Variants in AP4E1 observed in about 807,000 individuals in gnomAD.
AP4E1 encodes adaptor related protein complex 4 subunit epsilon 1, also known as AP-4 complex subunit epsilon-1.
In AP4E1, 56 loss-of-function variants were observed where a neutral mutation model predicts 128.2. The ratio of observed to expected loss-of-function variants is 0.44; its 90% confidence interval spans 0.35 to 0.55. The LOEUF is 0.55. Ranked by LOEUF, AP4E1 falls within the 20% of genes least tolerant of loss-of-function variation. The pLI is 0.00. For missense variants in AP4E1, 1,324 were observed against 1,307.7 expected (o/e 1.01, Z -0.19); for synonymous variants, 484 against 473.1 (o/e 1.02, Z -0.30).
intron 14 of AP4E1, among the ~76,000 whole-genome samples, chr15:50,963,688 G>T (rs1348117148): frequency 6.6e-6 from 1 of 152,116 alleles, no homozygotes; most frequent in Admixed American, 6.5e-5. Context: ...TATAGTATTT[G>T]TATATTTCAA....
chr15:50,983,969 A>C (rs2064679145), intron 15 of AP4E1, 53 bp from the exon 16 acceptor site: 1 of 1,581,020 alleles, frequency 6.3e-7, no homozygotes. Context: ...TAACTTTGAC[A>C]GTTTTTTGCT....
intron 15 of AP4E1, among the ~76,000 whole-genome samples, chr15:50,978,438 G>A (rs2064588068): frequency 6.6e-6 from 1 of 152,112 alleles, no homozygotes; most frequent in South Asian, 2.1e-4. Flanking sequence ...AGCTGAGAAT[G>A]GTTAGAGAAA....
At position 50,928,792 on chromosome 15, in the gene AP4E1, G is replaced by A. The variant is rs8036604; in HGVS notation, c.543-217G>A. Among the ~76,000 whole-genome samples the A allele has an allele frequency of 0.2, 29,532 of 149,076 alleles. 2,912 individuals carry two copies. The highest frequency in any genetic ancestry group is 0.24 in the South Asian group (1,141 of 4,740). On this transcript the variant is annotated intron_variant, in intron 5 of 20. Coordinates refer to ENST00000261842, the MANE Select transcript of AP4E1 (RefSeq NM_007347.5). ...CCCTAACTAGATAAATATATAACAC[G>A]GGCAGTTAAAGTTTTGAGACCTTAC...
intron 16 of AP4E1, among the ~76,000 whole-genome samples, chr15:50,989,482 CTTATCT>C (rs1043633359): frequency 6.6e-6 from 1 of 151,042 alleles, no homozygotes; most frequent in African/African-American, 2.4e-5. Flanking sequence ...AATTCTTTTT[CTTATCT>C]TTTTTTTTTT....
intron 5 of AP4E1, among the ~76,000 whole-genome samples, chr15:50,926,207 G>C (rs56056949): frequency 1.3e-5 from 2 of 151,692 alleles, no homozygotes; most frequent in African/African-American, 4.8e-5. Context: ...GAGTGATCTC[G>C]GCTCACTGCA....
At chr15:50,938,794 G>A (rs2063944537) in intron 8 of AP4E1, among the ~76,000 whole-genome samples, 1 of 152,134 alleles carries the variant, frequency 6.6e-6, no homozygotes, top group Non-Finnish European at 1.5e-5. Context: ...GGTAGAATCA[G>A]TTGATACTCC....
At chr15:50,926,207 G>A (rs56056949) in intron 5 of AP4E1, among the ~76,000 whole-genome samples, 2,808 of 151,798 alleles carry the variant, frequency 0.018, 106 homozygotes, top group African/African-American at 0.065. Context: ...GAGTGATCTC[G>A]GCTCACTGCA....
chr15:50,950,961 T>C (rs1383777964), intron 13 of AP4E1, among the ~76,000 whole-genome samples: 2 of 152,372 alleles, frequency 1.3e-5, no homozygotes, highest in Middle Eastern at 3.4e-3. Flanking sequence ...TGTTCCTTTT[T>C]ATGGCTGTAT....
At chr15:50,970,460 A>C (rs1005031321) in intron 15 of AP4E1, among the ~76,000 whole-genome samples, 2 of 152,218 alleles carry the variant, frequency 1.3e-5, no homozygotes, top group Admixed American at 1.3e-4. Context: ...CTGAAAGTGC[A>C]GTTTTTTGAA....
chr15:50,919,714 A>T (rs1046106224), intron 3 of AP4E1, among the ~76,000 whole-genome samples: 2 of 151,942 alleles, frequency 1.3e-5, no homozygotes, highest in African/African-American at 4.8e-5. Context: ...TGCCAATTAG[A>T]GGGACGTGTA....
intron 15 of AP4E1, among the ~76,000 whole-genome samples, chr15:50,983,545 C>T (rs923617176): frequency 1.3e-5 from 2 of 152,086 alleles, no homozygotes; most frequent in African/African-American, 4.8e-5. Context: ...TTAGGTTATA[C>T]AGATTAAAAG....
At chr15:50,963,558 G>A (rs2064345239) in intron 14 of AP4E1, among the ~76,000 whole-genome samples, 1 of 152,162 alleles carries the variant, frequency 6.6e-6, no homozygotes, top group Admixed American at 6.6e-5. Context: ...AAAGAAGCTG[G>A]GAAGGGTCGG....
At position 50,997,322 on chromosome 15, in the gene AP4E1, G is replaced by T; in HGVS notation, c.2347-4G>T. 6.3e-7 allele frequency: 1 copy of T among 1,583,562 alleles called. No homozygotes were observed. On this transcript the variant is annotated splice_polypyrimidine_tract_variant and splice_region_variant and intron_variant, in intron 17 of 20. Coordinates refer to ENST00000261842, the MANE Select transcript of AP4E1 (RefSeq NM_007347.5). ...TTTTATATTATTATGTTTTATTTTT[G>T]CAGCTGGGAAAAGCAGATACTGTCT...
chr15:50,935,025 G>A (rs1287016060), intron 8 of AP4E1, among the ~76,000 whole-genome samples: 1 of 151,622 alleles, frequency 6.6e-6, no homozygotes, highest in African/African-American at 2.4e-5. Flanking sequence ...AAACATTTAC[G>A]GTATTCAAAG....
intron 11 of AP4E1, among the ~76,000 whole-genome samples, 184 bp downstream of exon 11, chr15:50,948,343 T>C (rs1158411188): frequency 7.0e-6 from 1 of 142,732 alleles, no homozygotes; most frequent in Non-Finnish European, 1.6e-5. Flanking sequence ...AGATGGCTTT[T>C]TTTTTTTTTT....
chr15:50,915,606 G>A (rs533976220), intron 3 of AP4E1, 35 bp downstream of exon 3: 5 of 1,610,732 alleles, frequency 3.1e-6, no homozygotes, highest in East Asian at 4.5e-5. Flanking sequence ...ATGCTTTCAT[G>A]TTGTCCTTGA....
chr15:50,930,775 T>C (rs1596465722), intron 6 of AP4E1, 30 bp from the exon 7 acceptor site: 1 of 1,612,810 alleles, frequency 6.2e-7, no homozygotes, highest in African/African-American at 1.3e-5. Flanking sequence ...AAGACGTTAT[T>C]AACAAAGTTT....
In AP4E1 at chr15:50,920,113, T is replaced by C. The variant is rs28478706; in HGVS notation, c.347-3818T>C. Among the ~76,000 whole-genome samples, 100 of 25,016 alleles carry C rather than the reference T, an allele frequency of 4.0e-3. 1 individual carries two copies. Among genetic ancestry groups the C allele is most frequent in the Non-Finnish European group, 5.2e-3 (51 of 9,826 alleles). The allele number at this position is 25,016 out of a possible 152,430, so 16.4% of individuals were successfully genotyped here. A position where few individuals can be genotyped will look rare whatever the true frequency, so the allele number is the denominator to read the frequency against. On this transcript the variant is annotated intron_variant, in intron 3 of 20. Coordinates refer to ENST00000261842, the MANE Select transcript of AP4E1 (RefSeq NM_007347.5). ...AAAAAAAAGATAAAATTTATGCCTT[T>C]TTTTTTTTTTTTTTTTTTGAGACGG...
In AP4E1 at chr15:50,912,270, T is replaced by C. The variant is rs1264973654; in HGVS notation, c.222+121T>C. The C allele has an allele frequency of 5.4e-6, 5 of 924,286 alleles. No individual in the cohort carries two copies. In the Admixed American group the frequency reaches 7.2e-5, roughly 13 times the overall value. The allele number at this position is 924,286 out of a possible 1,614,324, so 57.3% of individuals were successfully genotyped here. ...TTGATTTATCATAGTCAAAATGAAT[T>C]ATAGTTGGTAGCAACTCAGATGTTA... On this transcript the variant is annotated intron_variant, in intron 2 of 20. Transcript: ENST00000261842.
Sources: gnomAD v4.1 joint callset for allele counts (sites outside exome capture counted in the v4.1 genomes callset) on GRCh38, gnomAD v4.1.1 for gene constraint, MANE v1.5 for transcripts, NCBI Gene and HGNC (gene_info 2026-07-23, HGNC 2026-07-21) for gene names.